RC3H1: variants seen among roughly 807,000 people sequenced by gnomAD.
The protein encoded by RC3H1 is ring finger and CCCH-type domains 1, also known as roquin-1.
Under a neutral mutation model 138.2 loss-of-function variants are expected in RC3H1, and 50 were observed. The ratio of observed to expected loss-of-function variants is 0.36; its 90% CI spans 0.29 to 0.46. The LOEUF (loss-of-function observed/expected upper bound fraction) is 0.46, where lower values mean the gene tolerates loss of function less well. Among genes scored for constraint, RC3H1 ranks in the 20% least tolerant of loss-of-function variants. The probability of loss-of-function intolerance (pLI) is 1.00; values close to 1 mark genes in which losing one functional copy is unlikely to be tolerated. For missense variants in RC3H1, 1,031 were observed against 1,388.1 expected (o/e 0.74, Z 4.09); for synonymous variants, 462 against 489.1 (o/e 0.94, Z 0.73).
At chr1:174,001,716 C>T (rs959410660) in intron 1 of RC3H1, among the ~76,000 whole-genome samples, 1 of 152,122 alleles carries the variant, frequency 6.6e-6, no homozygotes, top group East Asian at 1.9e-4. Context: ...TAGGCATGAG[C>T]CACCACGCCC....
intron 1 of RC3H1, among the ~76,000 whole-genome samples, chr1:174,008,353 T>C (rs1199846571): frequency 1.3e-5 from 2 of 152,108 alleles, no homozygotes; most frequent in Non-Finnish European, 2.9e-5. Context: ...GAAAACAATG[T>C]CACAGAGACT....
intron 1 of RC3H1, among the ~76,000 whole-genome samples, chr1:174,009,053 G>C (rs929827642): frequency 2.6e-5 from 4 of 151,780 alleles, no homozygotes; most frequent in Non-Finnish European, 5.9e-5. Flanking sequence ...CTACTGACTG[G>C]CTGCTGCTGT....
chr1:173,970,760 G>A (rs772278573), intron 8 of RC3H1, 143 bp from the exon 9 acceptor site: 3 of 537,460 alleles, frequency 5.6e-6, no homozygotes, highest in Non-Finnish European at 9.7e-6. Context: ...GTGCTGGAAA[G>A]TCATTCTGTC....
chr1:173,996,342 G>T (rs991727396), intron 1 of RC3H1, among the ~76,000 whole-genome samples: 2 of 151,934 alleles, frequency 1.3e-5, no homozygotes, highest in East Asian at 1.9e-4. Context: ...TGAGGGAAAA[G>T]AACCCTTACA....
intron 17 of RC3H1, among the ~76,000 whole-genome samples, chr1:173,945,125 CTTT>C (rs71718815): frequency 8.7e-5 from 12 of 138,032 alleles, no homozygotes; most frequent in African/African-American, 1.1e-4. Flanking sequence ...TTAAAAATTC[CTTT>C]TTTTTTTTTT....
At chr1:173,965,194 T>C (rs377531647) in intron 9 of RC3H1, 74 bp from the exon 10 acceptor site, 22 of 1,302,296 alleles carry the variant, frequency 1.7e-5, no homozygotes, top group African/African-American at 4.5e-5. Flanking sequence ...GTACTTAATA[T>C]TATTTTCTAG....
Position 173,952,054 on chromosome 1 carries a change from C to T in RC3H1, c.2455G>A (p.Gly819Ser), listed in dbSNP as rs1334609830. The T allele has an allele frequency of 2.5e-6, 4 of 1,606,282 alleles. No homozygotes were observed. Among genetic ancestry groups the T allele is most frequent in the Admixed American group, 1.7e-5 (1 of 59,218 alleles). Reference protein sequence around the residue: ...QYSPWSCDTIGSYIGTKDAKP... With the variant: ...QYSPWSCDTISSYIGTKDAKP... ...GCATCTTTGGTTCCAATGTAGGAGCCGATGGTGTCACATGACCAGGGAGAG... is the reference window on the plus strand; with the variant it reads ...GCATCTTTGGTTCCAATGTAGGAGCTGATGGTGTCACATGACCAGGGAGAG... The change falls in exon 14 of 20, where the codon GGC becomes AGC. Residue 819 changes from glycine (G) to serine (S), a missense_variant. Gly to Ser is a moderately conservative substitution (Grantham distance 56). Transcript: ENST00000367696.
At position 174,019,147 on chromosome 1, in the gene RC3H1, C is replaced by T. The variant is rs533249930; in HGVS notation, c.-151+2949G>A. Among the ~76,000 whole-genome samples the T allele has an allele frequency of 2.0e-5, 3 of 152,172 alleles. 1 individual carries two copies. Among genetic ancestry groups the T allele is most frequent in the Admixed American group, 6.5e-5 (1 of 15,292 alleles). ...AATTACAGCAGTATGATAAATCTGT[C>T]CTATGTAAACAGTATGAGTTTTTAT... On this transcript the variant is annotated intron_variant, in intron 1 of 19. Coordinates refer to ENST00000367696, the MANE Select transcript of RC3H1 (RefSeq NM_172071.4).
chr1:173,983,678 T>G, intron 3 of RC3H1, 21 bp from the exon 4 acceptor site: 2 of 1,609,642 alleles, frequency 1.2e-6, no homozygotes, highest in Non-Finnish European at 1.7e-6. Flanking sequence ...GTAAAGAAGT[T>G]ATTCCTAGGT....
intron 3 of RC3H1, among the ~76,000 whole-genome samples, 166 bp from the exon 4 acceptor site, chr1:173,983,823 T>A (rs1284450940): frequency 6.6e-6 from 1 of 152,212 alleles, no homozygotes; most frequent in African/African-American, 2.4e-5. Flanking sequence ...TACTTAAGTA[T>A]ACATTTTTAA....
At position 173,964,263 on chromosome 1, in the gene RC3H1, G is replaced by C. The variant is rs570136489; in HGVS notation, c.1617-76C>G. 3.0e-5 allele frequency: 38 copies of C among 1,250,334 alleles called. No individual in the cohort carries two copies. The African/African-American group carries it at 5.2e-4, about 17-fold the overall frequency. 77.5% of individuals were successfully genotyped at this position (1,250,334 alleles called of 1,614,324 possible). ...TAAATTGTTACAAGTAAAAAAGATT[G>C]CTACAATTTGGGAAACTCACTTATT... is the stretch of plus-strand genomic sequence containing the variant. On this transcript the variant is annotated intron_variant, in intron 10 of 19. Transcript: ENST00000367696.
chr1:173,983,330 A>G, intron 4 of RC3H1, 88 bp downstream of exon 4: 1 of 1,482,250 alleles, frequency 6.7e-7, no homozygotes, highest in Non-Finnish European at 9.2e-7. Flanking sequence ...AAATACTGCA[A>G]AGAACTAGGC....
At chr1:173,961,316 G>T in intron 12 of RC3H1, 72 bp from the exon 13 acceptor site, 1 of 1,367,882 alleles carries the variant, frequency 7.3e-7, no homozygotes, top group Non-Finnish European at 1.0e-6. Context: ...TATACTCAGC[G>T]TATATTTTAA....
In RC3H1 at chr1:173,943,514, T is replaced by C. The variant is rs747860598; in HGVS notation, c.3063A>G (p.Ser1021=). Residue 1021 remains serine, a synonymous_variant, in exon 18 of 20, where the codon TCA becomes TCG. Coordinates refer to ENST00000367696, the MANE Select transcript of RC3H1 (RefSeq NM_172071.4). ...GCAGTTCCAAGCTCAACTGCTCACT[T>C]GAGATCATCCCAGGCCATTTTGGAG... The part of the protein sequence containing the change: ...PPPPKWPGMI[S]SEQLSLELHQ... 6.2e-7 allele frequency: 1 copy of C among 1,601,938 alleles called. No homozygotes were observed. The highest frequency in any genetic ancestry group is 1.7e-5 in the Admixed American group (1 of 59,980).
chr1:173,942,185 C>T (rs1305041750), intron 18 of RC3H1, among the ~76,000 whole-genome samples: 6 of 149,002 alleles, frequency 4.0e-5, no homozygotes, highest in South Asian at 2.1e-4. Context: ...GAGGTTGCAG[C>T]GAGCTGAGAT....
chr1:173,933,261 C>A lies in RC3H1; in HGVS notation c.*5460G>T, dbSNP rs1222403715. 6.6e-6 allele frequency: 1 copy of A among 152,022 alleles called. No homozygotes were observed. Among genetic ancestry groups the A allele is most frequent in the Non-Finnish European group, 1.5e-5 (1 of 67,960 alleles). The allele number at this position is 152,022 out of a possible 1,614,324, so 9.4% of individuals were successfully genotyped here. Reference sequence around the variant, plus strand: ...GTGTTTGGCTGAAAATCCAGAGGCTCTGAAAACAAGGATTCCAGTGGTGAG... The same window carrying A: ...GTGTTTGGCTGAAAATCCAGAGGCTATGAAAACAAGGATTCCAGTGGTGAG... On this transcript the variant is annotated 3_prime_UTR_variant, in exon 20 of 20. Coordinates refer to ENST00000367696, the MANE Select transcript of RC3H1 (RefSeq NM_172071.4).
chr1:173,996,997 A>G (rs976102084), intron 1 of RC3H1, among the ~76,000 whole-genome samples: 1 of 151,936 alleles, frequency 6.6e-6, no homozygotes, highest in African/African-American at 2.4e-5. Flanking sequence ...TGGGAGGTGG[A>G]GACAGGTGGA....
intron 5 of RC3H1, 111 bp from the exon 6 acceptor site, chr1:173,981,120 A>C: frequency 1.2e-6 from 1 of 852,890 alleles, no homozygotes; most frequent in Non-Finnish European, 1.8e-6. Flanking sequence ...AGATTAAATG[A>C]ATATACCATT....
At chr1:173,993,370 A>G (rs921421450) in intron 1 of RC3H1, among the ~76,000 whole-genome samples, 7 of 151,964 alleles carry the variant, frequency 4.6e-5, no homozygotes, top group African/African-American at 1.7e-4. Flanking sequence ...AGTTAATAAT[A>G]AAGTTCCATC....
Sources: allele counts gnomAD v4.1 joint callset (sites outside exome capture counted in the v4.1 genomes callset), GRCh38; gene constraint gnomAD v4.1.1; transcripts MANE v1.5; gene names NCBI Gene and HGNC (gene_info 2026-07-23, HGNC 2026-07-21).